HCN1: variants seen among roughly 807,000 people sequenced by gnomAD.
The protein encoded by HCN1 is potassium/sodium hyperpolarization-activated cyclic nucleotide-gated channel 1.
Under a neutral mutation model 78.9 loss-of-function variants are expected in HCN1, and 13 were observed. The observed-to-expected ratio is 0.16, with a 90% confidence interval of 0.11 to 0.26. The LOEUF (loss-of-function observed/expected upper bound fraction) is 0.26. Ranked by LOEUF, HCN1 falls within the 10% of genes least tolerant of loss-of-function variation. The probability of loss-of-function intolerance (pLI) is 1.00; values close to 1 mark genes in which losing one functional copy is unlikely to be tolerated. For synonymous variants in HCN1, 552 were observed against 455.5 expected, an observed-to-expected ratio of 1.21 and a Z score of -2.70; for missense variants, 810 against 1,154.3, an observed-to-expected ratio of 0.70 and a Z score of 4.32.
At chr5:45,373,192 ATTT>A (rs1561129195) in intron 4 of HCN1, among the ~76,000 whole-genome samples, 1 of 121,798 alleles carries the variant, frequency 8.2e-6, no homozygotes, top group East Asian at 2.2e-4. Flanking sequence ...AAATATATGT[ATTT>A]TATATATTTT....
intron 2 of HCN1, among the ~76,000 whole-genome samples, chr5:45,515,787 C>T (rs1436196840): frequency 1.3e-5 from 2 of 151,864 alleles, no homozygotes; most frequent in East Asian, 3.9e-4. Flanking sequence ...CTAAGAATGC[C>T]TGCTACTGGT....
chr5:45,595,623 T>C (rs1381767218), intron 2 of HCN1, among the ~76,000 whole-genome samples: 1 of 152,190 alleles, frequency 6.6e-6, no homozygotes, highest in Non-Finnish European at 1.5e-5. Context: ...ATATTTAAGG[T>C]ATAATTTAGT....
intron 6 of HCN1, among the ~76,000 whole-genome samples, chr5:45,272,671 G>A (rs1230581324): frequency 4.6e-5 from 7 of 151,872 alleles, no homozygotes; most frequent in South Asian, 4.1e-4. Context: ...AATGTTTTAC[G>A]TACTTTCTTT....
chr5:45,614,938 G>A (rs1168248419), intron 2 of HCN1, among the ~76,000 whole-genome samples: 4 of 151,010 alleles, frequency 2.6e-5, no homozygotes, highest in African/African-American at 9.7e-5. Flanking sequence ...CATATTCACA[G>A]GTGGAGAGTG....
At chr5:45,396,223 T>A (rs1359921735) in intron 4 of HCN1, among the ~76,000 whole-genome samples, 3 of 152,164 alleles carry the variant, frequency 2.0e-5, no homozygotes, top group African/African-American at 7.2e-5. Flanking sequence ...TATCAGCTTT[T>A]TACATTTTGA....
chr5:45,474,993 T>C (rs1214302516), intron 2 of HCN1, among the ~76,000 whole-genome samples: 4 of 152,014 alleles, frequency 2.6e-5, no homozygotes, highest in Non-Finnish European at 5.9e-5. Flanking sequence ...GTCACCTAGT[T>C]TAAAATAACC....
chr5:45,537,682 C>T (rs151233488), intron 2 of HCN1, among the ~76,000 whole-genome samples: 2,847 of 151,662 alleles, frequency 0.019, 58 homozygotes, highest in Non-Finnish European at 0.032. Flanking sequence ...GAGTTACAGG[C>T]ACCCGCCACC....
chr5:45,652,909 C>T (rs900148684), intron 1 of HCN1, among the ~76,000 whole-genome samples: 8 of 152,042 alleles, frequency 5.3e-5, no homozygotes, highest in African/African-American at 1.9e-4. Context: ...CATTTTGTTC[C>T]ATTGTCATCA....
chr5:45,480,995 A>C (rs1038519403), intron 2 of HCN1, among the ~76,000 whole-genome samples: 2 of 152,218 alleles, frequency 1.3e-5, no homozygotes, highest in African/African-American at 4.8e-5. Flanking sequence ...GAATGCTAGA[A>C]TGTAAGGCTT....
At chr5:45,459,192 C>A (rs1028096887) in intron 3 of HCN1, among the ~76,000 whole-genome samples, 2 of 151,558 alleles carry the variant, frequency 1.3e-5, no homozygotes, top group African/African-American at 4.9e-5. Context: ...TCACATGACT[C>A]CAGGAGTTTA....
chr5:45,314,826 C>T (rs968088840), intron 5 of HCN1, among the ~76,000 whole-genome samples: 4 of 152,154 alleles, frequency 2.6e-5, no homozygotes, highest in Admixed American at 6.5e-5. Flanking sequence ...AAGGCCATTA[C>T]ATAATGGTAA....
intron 2 of HCN1, among the ~76,000 whole-genome samples, chr5:45,577,337 A>T (rs554307877): frequency 6.6e-6 from 1 of 152,214 alleles, no homozygotes; most frequent in East Asian, 1.9e-4. Context: ...GAGGGCTGAC[A>T]TCAGTGCTGG....
intron 3 of HCN1, among the ~76,000 whole-genome samples, chr5:45,408,254 A>T (rs556065572): frequency 3.3e-5 from 5 of 152,324 alleles, no homozygotes; most frequent in Admixed American, 2.6e-4. Context: ...GTAATGTCCT[A>T]GGCCTTCACG....
chr5:45,317,103 T>C (rs1026237336), intron 5 of HCN1, among the ~76,000 whole-genome samples: 1 of 152,044 alleles, frequency 6.6e-6, no homozygotes, highest in Non-Finnish European at 1.5e-5. Context: ...GAGCCTGCAT[T>C]GCCAAGTCAA....
chr5:45,401,915 A>G (rs1188004918), intron 3 of HCN1, among the ~76,000 whole-genome samples: 1 of 152,088 alleles, frequency 6.6e-6, no homozygotes, highest in African/African-American at 2.4e-5. Context: ...TTGTTTAAAA[A>G]ACAAGGACCA....
intron 3 of HCN1, among the ~76,000 whole-genome samples, chr5:45,456,882 G>A (rs979970092): frequency 1.3e-5 from 2 of 151,886 alleles, no homozygotes; most frequent in Admixed American, 1.3e-4. Flanking sequence ...CTTTCAATTG[G>A]TATAAATGCA....
chr5:45,621,046 G>A (rs544492740), intron 2 of HCN1, among the ~76,000 whole-genome samples: 69 of 152,284 alleles, frequency 4.5e-4, no homozygotes, highest in South Asian at 3.5e-3. Context: ...GAAACTTAAT[G>A]TCAGAACCAG....
intron 2 of HCN1, among the ~76,000 whole-genome samples, chr5:45,636,776 G>A (rs1280327385): frequency 6.6e-6 from 1 of 152,044 alleles, no homozygotes; most frequent in Non-Finnish European, 1.5e-5. Context: ...GGAGTTCAAG[G>A]TTGCAGTGAG....
intron 3 of HCN1, among the ~76,000 whole-genome samples, chr5:45,455,588 CAAG>C (rs1426020641): frequency 6.6e-6 from 1 of 151,792 alleles, no homozygotes; most frequent in Non-Finnish European, 1.5e-5. Context: ...AAGCTACGTA[CAAG>C]AAAGTCAAGT....
Sources: gnomAD v4.1 joint callset for allele counts (sites outside exome capture counted in the v4.1 genomes callset) on GRCh38, gnomAD v4.1.1 for gene constraint, MANE v1.5 for transcripts, NCBI Gene and HGNC (gene_info 2026-07-23, HGNC 2026-07-21) for gene names.